Variants in WDFY3 observed in about 807,000 individuals in gnomAD.
WDFY3 encodes the protein WD repeat and FYVE domain-containing protein 3.
WDFY3 carries 66 observed loss-of-function variants against 409.6 expected under a neutral mutation model. That is an observed-to-expected ratio of 0.16 (90% CI 0.13 to 0.20). The LOEUF is 0.20. WDFY3 is among the 10% of genes least tolerant of loss of function. The pLI is 1.00. For synonymous variants in WDFY3, 1,521 were observed against 1,537.1 expected (o/e 0.99, Z 0.25); for missense variants, 3,031 against 4,298.1 (o/e 0.71, Z 8.24).
intron 2 of WDFY3, among the ~76,000 whole-genome samples, chr4:84,902,565 C>T (rs1247344829): frequency 2.0e-5 from 3 of 152,104 alleles, no homozygotes; most frequent in Non-Finnish European, 4.4e-5. Context: ...ACCATTTTTA[C>T]ATGGTCATCA....
intron 3 of WDFY3, among the ~76,000 whole-genome samples, chr4:84,872,768 T>C (rs28876677): frequency 6.6e-6 from 1 of 152,140 alleles, no homozygotes; most frequent in African/African-American, 2.4e-5. Context: ...TCAGATAGGT[T>C]AAAGGTAAAG....
chr4:84,851,724 A>G (rs867359821), intron 4 of WDFY3, among the ~76,000 whole-genome samples: 2 of 152,152 alleles, frequency 1.3e-5, no homozygotes, highest in East Asian at 1.9e-4. Context: ...AAAAATATAT[A>G]TATTTAAGGA....
In WDFY3 at chr4:84,751,694, A is replaced by G. The variant is rs777152989; in HGVS notation, c.5762T>C (p.Val1921Ala). Residue 1921 changes from valine (V) to alanine (A), a missense_variant, in exon 36 of 68, where the codon GTT becomes GCT. By Grantham distance (64) the Val-to-Ala change is moderately conservative. This residue lies in a region of WDFY3 where 314 missense variants were observed against 397.4 expected (regional missense o/e 0.79). Coordinates refer to ENST00000295888, the MANE Select transcript of WDFY3 (RefSeq NM_014991.6). ...TTTAAACTCTTCTGCTGGAGATCCAACTTCATCATCAAGGTCAGTCACCTA... is the reference window on the plus strand; with the variant it reads ...TTTAAACTCTTCTGCTGGAGATCCAGCTTCATCATCAAGGTCAGTCACCTA... ...SEMVTDLDDEVGSPAEEFKAF... is the reference protein window; with the variant it reads ...SEMVTDLDDEAGSPAEEFKAF... 1.2e-6 allele frequency: 2 copies of G among 1,614,154 alleles called. No homozygotes were observed. The highest frequency in any genetic ancestry group is 2.2e-5 in the East Asian group (1 of 44,868).
At chr4:84,830,726 T>A (rs1290751609) in intron 8 of WDFY3, among the ~76,000 whole-genome samples, 1 of 152,210 alleles carries the variant, frequency 6.6e-6, no homozygotes. Flanking sequence ...GCATGACAGA[T>A]TATTACCTAG....
chr4:84,803,197 T>C, intron 16 of WDFY3, 93 bp downstream of exon 16: 3 of 1,338,340 alleles, frequency 2.2e-6, no homozygotes, highest in Non-Finnish European at 2.0e-6. Context: ...TAATATTAAC[T>C]TTCTTCCTCA....
At chr4:84,951,959 G>C (rs1242939924) in intron 1 of WDFY3, among the ~76,000 whole-genome samples, 1 of 152,160 alleles carries the variant, frequency 6.6e-6, no homozygotes, top group Non-Finnish European at 1.5e-5. Context: ...TGAGAAAATT[G>C]AAAGTGCAAG....
rs1207375931 is a variant in WDFY3, at chr4:84,708,981, C to T, written c.8145G>A (p.Leu2715=). The change falls in exon 53 of 68, where the codon TTG becomes TTA. Residue 2715 remains leucine (L), a synonymous_variant. Coordinates refer to ENST00000295888, the MANE Select transcript of WDFY3 (RefSeq NM_014991.6). The part of the protein sequence containing the change: ...NFQYLMHLNT[L]AGRSYNDLMQ... ...TGAGATCATTATATGATCTGCCAGC[C>T]AAAGTGTTCAAATGCATCAAATATT... 1.9e-6 allele frequency: 3 copies of T among 1,613,942 alleles called. No homozygotes were observed. Among genetic ancestry groups the T allele is most frequent in the Non-Finnish European group, 2.5e-6 (3 of 1,179,968 alleles).
intron 19 of WDFY3, among the ~76,000 whole-genome samples, chr4:84,795,862 T>C (rs1024653204): frequency 2.6e-5 from 4 of 152,188 alleles, no homozygotes; most frequent in Admixed American, 6.5e-5. Context: ...TCATGAATTC[T>C]TATAGATTTT....
intron 13 of WDFY3, among the ~76,000 whole-genome samples, chr4:84,814,405 A>G (rs1418595567): frequency 6.6e-6 from 1 of 152,168 alleles, no homozygotes; most frequent in African/African-American, 2.4e-5. Context: ...CCTTCTCTGC[A>G]GTTTTGCTTT....
chr4:84,938,585 A>G (rs1771726389), intron 1 of WDFY3, among the ~76,000 whole-genome samples: 1 of 152,190 alleles, frequency 6.6e-6, no homozygotes, highest in African/African-American at 2.4e-5. Context: ...AACTGGTTCC[A>G]GAGAAAGAAC....
chr4:84,875,842 G>A (rs958189861), intron 3 of WDFY3, among the ~76,000 whole-genome samples: 9 of 152,088 alleles, frequency 5.9e-5, no homozygotes. Flanking sequence ...GGTCTTCAGG[G>A]ACGATAACCC....
intron 39 of WDFY3, chr4:84,739,342 T>C (rs367759591): frequency 3.7e-5 from 17 of 463,856 alleles, no homozygotes; most frequent in African/African-American, 2.9e-4. Context: ...ATCAAGATTA[T>C]TACCTTAATA....
chr4:84,690,097 A>T (rs940626647), intron 61 of WDFY3, among the ~76,000 whole-genome samples: 2 of 152,212 alleles, frequency 1.3e-5, no homozygotes, highest in Non-Finnish European at 2.9e-5. Flanking sequence ...ATCCTTAAGT[A>T]TATGACAAAT....
chr4:84,809,838 T>A (rs1417723366), intron 14 of WDFY3, 49 bp downstream of exon 14: 2 of 1,508,740 alleles, frequency 1.3e-6, no homozygotes, highest in Non-Finnish European at 1.8e-6. Context: ...AATGTTGAAG[T>A]CATGCTTAGT....
intron 2 of WDFY3, among the ~76,000 whole-genome samples, chr4:84,905,798 T>G (rs1227964078): frequency 6.6e-6 from 1 of 152,190 alleles, no homozygotes; most frequent in African/African-American, 2.4e-5. Flanking sequence ...CCCAGACATC[T>G]CCAGGCATGC....
In WDFY3 at chr4:84,849,936, T is replaced by C; in HGVS notation, c.270A>G (p.Thr90=). 6.2e-7 allele frequency: 1 copy of C among 1,612,064 alleles called. No individual in the cohort carries two copies. The highest frequency in any genetic ancestry group is 8.5e-7 in the Non-Finnish European group (1 of 1,179,474). The change falls in exon 5 of 68, where the codon ACA becomes ACG. Residue 90 remains threonine (T), a synonymous_variant. Transcript: ENST00000295888. ...TGTTTGATGCTCTCCTTCGAATTTCTGTCACCATTAGTCGTGAGACTTGTG... is the reference window on the plus strand; with the variant it reads ...TGTTTGATGCTCTCCTTCGAATTTCCGTCACCATTAGTCGTGAGACTTGTG... ...FTTQVSRLMV[T]EIRRRASNKS...
intron 5 of WDFY3, among the ~76,000 whole-genome samples, chr4:84,844,182 A>G (rs1429806574): frequency 6.6e-6 from 1 of 152,212 alleles, no homozygotes; most frequent in Non-Finnish European, 1.5e-5. Context: ...AACAACCAGA[A>G]TGCAAAACAT....
At chr4:84,784,269 C>T (rs1218484385) in intron 24 of WDFY3, among the ~76,000 whole-genome samples, 1 of 152,208 alleles carries the variant, frequency 6.6e-6, no homozygotes, top group Non-Finnish European at 1.5e-5. Context: ...TACATGTAGA[C>T]TCATGGCTTT....
At chr4:84,734,967 A>G (rs1737194798) in intron 43 of WDFY3, 76 bp downstream of exon 43, 1 of 1,250,270 alleles carries the variant, frequency 8.0e-7, no homozygotes, top group Admixed American at 2.0e-5. Context: ...ATGGGCAGAA[A>G]GATACCAGGA....
Sources: gnomAD v4.1 joint callset for allele counts (sites outside exome capture counted in the v4.1 genomes callset) on GRCh38, gnomAD v4.1.1 for gene constraint, gnomAD v4.1.1 regional missense constraint, MANE v1.5 for transcripts, NCBI Gene and HGNC (gene_info 2026-07-23, HGNC 2026-07-21) for gene names.